NUP93: variants seen among roughly 807,000 people sequenced by gnomAD.
NUP93 encodes the protein nuclear pore complex protein Nup93.
In NUP93, 55 loss-of-function variants were observed where a neutral mutation model predicts 107.8. The ratio of observed to expected loss-of-function variants is 0.51; its 90% confidence interval spans 0.41 to 0.64. The LOEUF (loss-of-function observed/expected upper bound fraction) is 0.64, where lower values mean the gene tolerates loss of function less well. NUP93 is among the 30% of genes least tolerant of loss of function. The pLI, the probability that NUP93 is intolerant of heterozygous loss-of-function variation, is 0.00. For missense variants in NUP93, 937 were observed against 1,044.7 expected, an observed-to-expected ratio of 0.90 and a Z score of 1.42; for synonymous variants, 390 against 397.5, an observed-to-expected ratio of 0.98 and a Z score of 0.22.
At position 56,831,894 on chromosome 16, in the gene NUP93, A is replaced by G. The variant is rs1963798214; in HGVS notation, c.1138A>G (p.Arg380Gly). The G allele has an allele frequency of 2.5e-6, 4 of 1,614,156 alleles. No individual in the cohort carries two copies. Among genetic ancestry groups the G allele is most frequent in the East Asian group, 4.5e-5 (2 of 44,880 alleles). Residue 380 changes from arginine (R) to glycine (G), a missense_variant, in exon 11 of 22, where the codon AGG (arginine) becomes GGG (glycine). Transcript: ENST00000308159. ...CCGGCTGCATTACCGTAGGGCCCTCAGGAACAATACAGATCCCTACAAGCG... is the reference window on the plus strand; with the variant it reads ...CCGGCTGCATTACCGTAGGGCCCTCGGGAACAATACAGATCCCTACAAGCG... ...KLRLHYRRAL[R>G]NNTDPYKRAV...
At chr16:56,843,975 G>T (rs1385628283) in intron 21 of NUP93, among the ~76,000 whole-genome samples, 1 of 152,202 alleles carries the variant, frequency 6.6e-6, no homozygotes, top group Non-Finnish European at 1.5e-5. Context: ...TGTATGTCGG[G>T]AAGGGAGAAA....
At chr16:56,808,055 A>G (rs1057009174) in intron 5 of NUP93, among the ~76,000 whole-genome samples, 4 of 141,880 alleles carry the variant, frequency 2.8e-5, no homozygotes, top group Admixed American at 1.5e-4. Context: ...ATTTCTAAAA[A>G]TATATATAAA....
At chr16:56,769,590 A>AG (rs145660863) in intron 3 of NUP93, among the ~76,000 whole-genome samples, 8,019 of 152,228 alleles carry the variant, frequency 0.053, 208 homozygotes, top group South Asian at 0.073. Flanking sequence ...GCTGCCCTAC[A>AG]GGTACACTGT....
chr16:56,766,160 C>A (rs1373199756), intron 3 of NUP93, among the ~76,000 whole-genome samples: 1 of 152,150 alleles, frequency 6.6e-6, no homozygotes, highest in African/African-American at 2.4e-5. Flanking sequence ...AAATGACAGG[C>A]TTTTTTGTCT....
intron 7 of NUP93, 104 bp downstream of exon 7, chr16:56,821,697 G>A (rs1382782246): frequency 4.4e-6 from 3 of 679,084 alleles, no homozygotes; most frequent in Admixed American, 2.4e-5. Context: ...ACGCCATTCT[G>A]TGGAATGAAA....
intron 3 of NUP93, among the ~76,000 whole-genome samples, chr16:56,778,055 C>T (rs975240529): frequency 3.0e-4 from 45 of 152,178 alleles, no homozygotes; most frequent in Admixed American, 2.7e-3. Context: ...ATAGAGCCAA[C>T]ACCGACATTC....
At chr16:56,747,037 G>T (rs541815491) in intron 1 of NUP93, among the ~76,000 whole-genome samples, 14 of 146,272 alleles carry the variant, frequency 9.6e-5, no homozygotes, top group African/African-American at 3.3e-4. Flanking sequence ...TCACTCTATT[G>T]CCCAGGCTGG....
chr16:56,817,401 G>C (rs1179041374), intron 5 of NUP93, among the ~76,000 whole-genome samples: 1 of 152,138 alleles, frequency 6.6e-6, no homozygotes, highest in Admixed American at 6.5e-5. Context: ...GCTTCATAGT[G>C]CTGGGAAGCT....
chr16:56,829,610 G>A (rs1011903221), intron 9 of NUP93, among the ~76,000 whole-genome samples: 8 of 152,176 alleles, frequency 5.3e-5, no homozygotes, highest in African/African-American at 1.2e-4. Context: ...GGTGAGATTC[G>A]CACTTGCTCT....
chr16:56,828,470 G>T (rs181290449), intron 8 of NUP93, among the ~76,000 whole-genome samples: 67 of 152,242 alleles, frequency 4.4e-4, no homozygotes, highest in Non-Finnish European at 7.8e-4. Flanking sequence ...GGATAAAGTA[G>T]CCCCTGATTT....
chr16:56,829,370 A>G (rs1250124206), intron 9 of NUP93, among the ~76,000 whole-genome samples: 1 of 152,250 alleles, frequency 6.6e-6, no homozygotes, highest in African/African-American at 2.4e-5. Flanking sequence ...CTGAGCCAAT[A>G]GGACTTGCTG....
intron 3 of NUP93, among the ~76,000 whole-genome samples, chr16:56,792,129 G>A (rs552935643): frequency 1.3e-5 from 2 of 152,258 alleles, no homozygotes; most frequent in South Asian, 4.1e-4. Flanking sequence ...GCAGTGAGCT[G>A]TGATTGTGCC....
chr16:56,754,001 G>A (rs1166704017), intron 2 of NUP93, among the ~76,000 whole-genome samples: 1 of 151,838 alleles, frequency 6.6e-6, no homozygotes, highest in Non-Finnish European at 1.5e-5. Context: ...AAGAAAAGAG[G>A]TTTAATTGAT....
intron 3 of NUP93, among the ~76,000 whole-genome samples, chr16:56,789,864 C>T (rs1962716365): frequency 6.6e-6 from 1 of 152,034 alleles, no homozygotes; most frequent in South Asian, 2.1e-4. Flanking sequence ...TTTGGGAGGC[C>T]GAGGCAGGTG....
chr16:56,810,822 A>G (rs1963299912), intron 5 of NUP93, among the ~76,000 whole-genome samples: 3 of 152,110 alleles, frequency 2.0e-5, no homozygotes, highest in South Asian at 2.1e-4. Flanking sequence ...CCCACTATCA[A>G]CAAGAGAAAC....
chr16:56,789,053 A>T (rs1962695329), intron 3 of NUP93, among the ~76,000 whole-genome samples: 1 of 151,734 alleles, frequency 6.6e-6, no homozygotes, highest in African/African-American at 2.4e-5. Context: ...GAGGGGTGGT[A>T]GTAGGTAGGG....
intron 3 of NUP93, chr16:56,783,407 T>C (rs1271795640): frequency 1.1e-6 from 1 of 923,042 alleles, no homozygotes; most frequent in Non-Finnish European, 1.3e-6. Flanking sequence ...ATTGGAGTTC[T>C]GGATTTACCC....
chr16:56,822,550 CTTT>C (rs1963568223), intron 7 of NUP93, among the ~76,000 whole-genome samples: 1 of 97,698 alleles, frequency 1.0e-5, no homozygotes, highest in Non-Finnish European at 1.9e-5. Flanking sequence ...TCTTTTCTTT[CTTT>C]CTTTTCTTTT....
intron 1 of NUP93, among the ~76,000 whole-genome samples, chr16:56,743,424 G>C (rs1367190698): frequency 6.6e-6 from 1 of 152,084 alleles, no homozygotes; most frequent in Non-Finnish European, 1.5e-5. Flanking sequence ...TCAAACTGTG[G>C]GTTTTACTTT....
Sources: gnomAD v4.1 joint callset for allele counts (sites outside exome capture counted in the v4.1 genomes callset) on GRCh38, gnomAD v4.1.1 for gene constraint, MANE v1.5 for transcripts, NCBI Gene and HGNC (gene_info 2026-07-23, HGNC 2026-07-21) for gene names.